PPP3CA: variants seen among roughly 807,000 people sequenced by gnomAD.
The protein encoded by PPP3CA is protein phosphatase 3 catalytic subunit alpha.
In PPP3CA, 14 loss-of-function variants were observed where a neutral mutation model predicts 66.5. The ratio of observed to expected loss-of-function variants is 0.21; its 90% CI spans 0.14 to 0.33. The LOEUF is 0.33. Ranked by LOEUF, PPP3CA falls within the 10% of genes least tolerant of loss-of-function variation. PPP3CA has a pLI of 1.00. For synonymous variants in PPP3CA, 232 were observed against 226.2 expected (o/e 1.03, Z -0.23); for missense variants, 317 against 639.5 (o/e 0.50, Z 5.44).
rs1399400422 is a variant in PPP3CA at position 101,124,799 on chromosome 4, G to GAAAGAAAGAAAGAA, written c.260-15722_260-15721insTTCTTTCTTTCTTT. Among the ~76,000 whole-genome samples, 137 of 100,282 alleles carry GAAAGAAAGAAAGAA rather than the reference G, an allele frequency of 1.4e-3. 7 individuals carry two copies. Among genetic ancestry groups the GAAAGAAAGAAAGAA allele is most frequent in the East Asian group, 2.8e-3 (10 of 3,518 alleles). 65.8% of individuals were successfully genotyped at this position (100,282 alleles called of 152,430 possible). On this transcript the variant is annotated intron_variant, in intron 2 of 13. Transcript: ENST00000394854. ...AGAAAGAAAGAAAGAAAGAAAGAAA[G>GAAAGAAAGAAAGAA]AGAAAACTGTATTGGTGTTGAGGAG...
chr4:101,232,550 T>G (rs994218738), intron 1 of PPP3CA, among the ~76,000 whole-genome samples: 1 of 151,796 alleles, frequency 6.6e-6, no homozygotes, highest in Non-Finnish European at 1.5e-5. Flanking sequence ...CCTGACCACC[T>G]TTAGTTCCTT....
intron 6 of PPP3CA, among the ~76,000 whole-genome samples, chr4:101,084,033 A>G (rs1729553804): frequency 1.3e-5 from 2 of 152,216 alleles, no homozygotes; most frequent in African/African-American, 2.4e-5. Context: ...CAAATCATAA[A>G]TTAAACCTGA....
chr4:101,323,178 T>C (rs889515793), intron 1 of PPP3CA, among the ~76,000 whole-genome samples: 2 of 152,128 alleles, frequency 1.3e-5, no homozygotes, highest in Non-Finnish European at 2.9e-5. Flanking sequence ...ATTCCTCCCT[T>C]GCTTGCCCTC....
chr4:101,223,960 C>A (rs551737209), intron 1 of PPP3CA, among the ~76,000 whole-genome samples: 1 of 151,598 alleles, frequency 6.6e-6, no homozygotes, highest in South Asian at 2.1e-4. Context: ...TAAAACCATT[C>A]CAAGAGGGGA....
At chr4:101,302,930 T>C (rs895811577) in intron 1 of PPP3CA, among the ~76,000 whole-genome samples, 1 of 152,246 alleles carries the variant, frequency 6.6e-6, no homozygotes, top group Admixed American at 6.5e-5. Flanking sequence ...TTGAAAACTT[T>C]AAGGTTGAAT....
chr4:101,337,596 C>T (rs1334579583), intron 1 of PPP3CA, among the ~76,000 whole-genome samples: 2 of 152,178 alleles, frequency 1.3e-5, no homozygotes, highest in African/African-American at 2.4e-5. Context: ...CTATAGTTTC[C>T]TTAGTCTTCA....
At chr4:101,293,204 T>C (rs542815113) in intron 1 of PPP3CA, among the ~76,000 whole-genome samples, 14 of 152,270 alleles carry the variant, frequency 9.2e-5, no homozygotes, top group African/African-American at 3.1e-4. Flanking sequence ...CATGCCCTTT[T>C]CCCCATTTGA....
chr4:101,319,038 T>G (rs140767451), intron 1 of PPP3CA, among the ~76,000 whole-genome samples: 1 of 152,176 alleles, frequency 6.6e-6, no homozygotes, highest in African/African-American at 2.4e-5. Context: ...AAAGTTATTT[T>G]TAAAAATTAA....
chr4:101,085,122 T>C (rs1729606298), intron 6 of PPP3CA, among the ~76,000 whole-genome samples: 2 of 152,252 alleles, frequency 1.3e-5, no homozygotes, highest in African/African-American at 4.8e-5. Context: ...GTTTGGTATA[T>C]ATTAGCTATA....
At chr4:101,328,605 C>A (rs995033390) in intron 1 of PPP3CA, among the ~76,000 whole-genome samples, 5 of 152,300 alleles carry the variant, frequency 3.3e-5, no homozygotes, top group Admixed American at 2.6e-4. Flanking sequence ...TGTTTTGCCT[C>A]ACTGCACTTT....
chr4:101,082,309 T>A (rs1229938872), intron 7 of PPP3CA, among the ~76,000 whole-genome samples: 3 of 152,218 alleles, frequency 2.0e-5, no homozygotes, highest in Non-Finnish European at 4.4e-5. Flanking sequence ...GAACTTGGTA[T>A]CTTCCTTGAT....
chr4:101,272,289 C>G (rs1233909950), intron 1 of PPP3CA, among the ~76,000 whole-genome samples: 2 of 152,084 alleles, frequency 1.3e-5, no homozygotes, highest in Non-Finnish European at 2.9e-5. Context: ...CTACTAGTTC[C>G]ATTTTATACT....
Position 101,029,200 on chromosome 4 carries a change from A to AGAG in PPP3CA, c.1340-8_1340-6dup. The AGAG allele has an allele frequency of 6.2e-7, 1 of 1,607,824 alleles. No individual in the cohort carries two copies. Among genetic ancestry groups the AGAG allele is most frequent in the Non-Finnish European group, 8.5e-7 (1 of 1,174,478 alleles). ...CCTCAATAGCCTCAACAGTAGCTGA[A>AGAG]GAGAAGAAAGGGGGTGCAAAATGAA... On this transcript the variant is annotated splice_polypyrimidine_tract_variant and splice_region_variant and intron_variant, in intron 12 of 13. Transcript: ENST00000394854.
At chr4:101,228,256 T>C (rs559386405) in intron 1 of PPP3CA, among the ~76,000 whole-genome samples, 1 of 151,864 alleles carries the variant, frequency 6.6e-6, no homozygotes, top group African/African-American at 2.4e-5. Flanking sequence ...TTTCAGAGTA[T>C]ACTTTCAGAG....
At chr4:101,176,614 A>G (rs1724068283) in intron 2 of PPP3CA, among the ~76,000 whole-genome samples, 2 of 152,192 alleles carry the variant, frequency 1.3e-5, no homozygotes, top group Non-Finnish European at 2.9e-5. Flanking sequence ...AGCACAGAAG[A>G]AAATCAAACA....
chr4:101,192,547 C>A (rs1029833311), intron 2 of PPP3CA, among the ~76,000 whole-genome samples: 2 of 152,174 alleles, frequency 1.3e-5, no homozygotes, highest in Non-Finnish European at 2.9e-5. Flanking sequence ...CTTCTGAAAC[C>A]CTGCCTTCTC....
At chr4:101,290,856 CA>C (rs1405100092) in intron 1 of PPP3CA, among the ~76,000 whole-genome samples, 1 of 152,162 alleles carries the variant, frequency 6.6e-6, no homozygotes. Flanking sequence ...TGACATAACC[CA>C]ACTCCCTGGA....
chr4:101,143,730 T>G (rs1397403601), intron 2 of PPP3CA, among the ~76,000 whole-genome samples: 1 of 152,160 alleles, frequency 6.6e-6, no homozygotes, highest in Non-Finnish European at 1.5e-5. Flanking sequence ...TCCACTTGCA[T>G]GATTTTACCA....
chr4:101,316,058 CA>C (rs1205096395), intron 1 of PPP3CA, among the ~76,000 whole-genome samples: 1 of 151,956 alleles, frequency 6.6e-6, no homozygotes, highest in Non-Finnish European at 1.5e-5. Flanking sequence ...GGATACATCT[CA>C]AAAGTAACAT....
Sources: allele counts gnomAD v4.1 joint callset (sites outside exome capture counted in the v4.1 genomes callset), GRCh38; gene constraint gnomAD v4.1.1; transcripts MANE v1.5; gene names NCBI Gene and HGNC (gene_info 2026-07-23, HGNC 2026-07-21).